Variants in KLHL32 observed in about 807,000 individuals in gnomAD.
KLHL32 encodes kelch like family member 32, also known as kelch-like protein 32.
A neutral mutation model predicts 64.8 loss-of-function variants in KLHL32; 35 were observed. That is an observed-to-expected ratio of 0.54 (90% CI 0.41 to 0.72). The LOEUF (loss-of-function observed/expected upper bound fraction) is 0.72. Ranked by LOEUF, KLHL32 falls within the 30% of genes least tolerant of loss-of-function variation. The probability of loss-of-function intolerance (pLI) is 0.00; values close to 1 mark genes in which losing one functional copy is unlikely to be tolerated. For missense variants in KLHL32, 589 were observed against 768.5 expected (o/e 0.77, Z 2.76); for synonymous variants, 259 against 281.0 (o/e 0.92, Z 0.78).
chr6:96,952,771 TC>T (rs1275018810), intron 1 of KLHL32, among the ~76,000 whole-genome samples: 1 of 152,188 alleles, frequency 6.6e-6, no homozygotes, highest in African/African-American at 2.4e-5. Context: ...CCCCAGTTGT[TC>T]CCATAGATAA....
chr6:96,970,002 A>G lies in KLHL32; in HGVS notation c.23+2919A>G, dbSNP rs369533085. On this transcript the variant is annotated intron_variant, in intron 2 of 10. Coordinates refer to ENST00000369261, the MANE Select transcript of KLHL32 (RefSeq NM_052904.4). ...GGAAATATCAAGTTGTATAAGCCAG[A>G]AATATAGGTGTCTTCTGGAAATCTT... is the stretch of plus-strand genomic sequence containing the variant. Among the ~76,000 whole-genome samples, 11 of 152,332 alleles carry G rather than the reference A, an allele frequency of 7.2e-5. No individual in the cohort carries two copies. In the East Asian group the frequency reaches 1.9e-3, roughly 27 times the overall value.
rs540093595 is a variant in KLHL32 at position 96,988,644 on chromosome 6, T to C, written c.204+12467T>C. ...ATTATAAATCATGCTGCTATAAAGA[T>C]ACATGCACACGTATGTTTATTGCAG... On this transcript the variant is annotated intron_variant, in intron 3 of 10. Coordinates refer to ENST00000369261, the MANE Select transcript of KLHL32 (RefSeq NM_052904.4). 1.1e-3 allele frequency among the ~76,000 whole-genome samples: 168 copies of C among 152,174 alleles called. 2 individuals are homozygous for C. The highest frequency in any genetic ancestry group is 3.7e-3 in the African/African-American group (155 of 41,440).
rs183792203 is a variant in KLHL32 at position 96,993,492 on chromosome 6, C to G, written c.204+17315C>G. Among the ~76,000 whole-genome samples the G allele has an allele frequency of 1.7e-4, 26 of 152,286 alleles. No homozygotes were observed. The East Asian group carries it at 4.6e-3, about 27-fold the overall frequency. ...CAAGCTTCTGTTTGGGTCTTGTTTG[C>G]TAATGTCCCCCCTGCTGGCCGAGCA... On this transcript the variant is annotated intron_variant, in intron 3 of 10. Transcript: ENST00000369261.
intron 1 of KLHL32, among the ~76,000 whole-genome samples, chr6:96,936,422 C>T (rs1002434884): frequency 6.6e-6 from 1 of 152,080 alleles, no homozygotes; most frequent in African/African-American, 2.4e-5. Flanking sequence ...TTTTTTCCTT[C>T]AAGCCTACCT....
intron 3 of KLHL32, among the ~76,000 whole-genome samples, chr6:96,982,035 G>C (rs943327847): frequency 6.6e-6 from 1 of 151,970 alleles, no homozygotes; most frequent in African/African-American, 2.4e-5. Context: ...TGTTGTTTTT[G>C]GATGAGGAGT....
intron 2 of KLHL32, among the ~76,000 whole-genome samples, chr6:96,971,524 C>T (rs1486480282): frequency 1.3e-5 from 2 of 152,134 alleles, no homozygotes; most frequent in African/African-American, 4.8e-5. Context: ...CCTGAGACCT[C>T]GTTTATTTAT....
intron 4 of KLHL32, 110 bp from the exon 5 acceptor site, chr6:97,064,518 T>C (rs1789402652): frequency 1.4e-6 from 1 of 710,902 alleles, no homozygotes; most frequent in Non-Finnish European, 2.4e-6. Flanking sequence ...TTAATTGAAA[T>C]AGAGTACGTA....
At chr6:97,026,170 G>A (rs1782699865) in intron 3 of KLHL32, among the ~76,000 whole-genome samples, 2 of 151,990 alleles carry the variant, frequency 1.3e-5, no homozygotes, top group African/African-American at 4.8e-5. Flanking sequence ...AAAGCTTGTG[G>A]ATGATTCCTA....
chr6:97,130,955 T>A lies in KLHL32; in HGVS notation c.1606+6T>A. On this transcript the variant is annotated splice_donor_region_variant and intron_variant, in intron 9 of 10. Coordinates refer to ENST00000369261, the MANE Select transcript of KLHL32 (RefSeq NM_052904.4). ...TAATTTCAACCTGCTGACTGGCAAG[T>A]ACCTTTGATTAAGTAAATCAGGAAA... The A allele has an allele frequency of 6.2e-7, 1 of 1,605,624 alleles. No individual in the cohort carries two copies.
At chr6:97,007,395 G>T (rs1238485595) in intron 3 of KLHL32, among the ~76,000 whole-genome samples, 1 of 151,930 alleles carries the variant, frequency 6.6e-6, no homozygotes, top group Non-Finnish European at 1.5e-5. Flanking sequence ...TCATTTTATT[G>T]TACTTCTTAT....
At chr6:97,015,808 G>A (rs1027662365) in intron 3 of KLHL32, among the ~76,000 whole-genome samples, 3 of 152,186 alleles carry the variant, frequency 2.0e-5, no homozygotes, top group Admixed American at 6.5e-5. Flanking sequence ...AGGCATGGAG[G>A]CCTAGGAGGA....
At chr6:97,047,082 C>T (rs1737654) in intron 4 of KLHL32, among the ~76,000 whole-genome samples, 38,689 of 152,058 alleles carry the variant, frequency 0.25, 6,303 homozygotes, top group African/African-American at 0.45. Flanking sequence ...AAGATGTGTG[C>T]GTGTTCCTCC....
At chr6:97,015,023 G>T (rs991526833) in intron 3 of KLHL32, among the ~76,000 whole-genome samples, 11 of 152,120 alleles carry the variant, frequency 7.2e-5, no homozygotes, top group African/African-American at 2.7e-4. Flanking sequence ...AGATCTGATG[G>T]TTTTATATGG....
chr6:96,900,566 C>A, the KLHL32 span, among the ~76,000 whole-genome samples: 1 of 152,240 alleles, frequency 6.6e-6, no homozygotes, highest in African/African-American at 2.4e-5. Context: ...AAAATGCCAC[C>A]TGCCTGTGCC....
chr6:96,911,859 G>T, the KLHL32 span, among the ~76,000 whole-genome samples: 2 of 29,312 alleles, frequency 6.8e-5, no homozygotes, highest in African/African-American at 1.1e-4. Flanking sequence ...TTTGGCAGCT[G>T]CCACTCCTCC....
At chr6:97,051,535 G>A (rs1009983068) in intron 4 of KLHL32, among the ~76,000 whole-genome samples, 2 of 152,284 alleles carry the variant, frequency 1.3e-5, no homozygotes, top group African/African-American at 2.4e-5. Context: ...TGTTTCAACA[G>A]AAAGTTCCAT....
chr6:97,055,800 A>AC (rs1787734879), intron 4 of KLHL32, among the ~76,000 whole-genome samples: 1 of 113,408 alleles, frequency 8.8e-6, no homozygotes, highest in Non-Finnish European at 1.6e-5. Context: ...CCTGTCTAAA[A>AC]AAAAAAAAAA....
At chr6:97,100,799 C>CT (rs763909891) in intron 6 of KLHL32, among the ~76,000 whole-genome samples, 18,302 of 96,354 alleles carry the variant, frequency 0.19, 2,274 homozygotes, top group East Asian at 0.39. Flanking sequence ...GCTCATTATT[C>CT]TTTTTTTTTT....
At chr6:97,104,643 C>T (rs1796157684) in intron 6 of KLHL32, among the ~76,000 whole-genome samples, 1 of 152,122 alleles carries the variant, frequency 6.6e-6, no homozygotes, top group Non-Finnish European at 1.5e-5. Flanking sequence ...ATGTGTCTTA[C>T]ATAAGTCTGT....
Sources: gnomAD v4.1 joint callset for allele counts (sites outside exome capture counted in the v4.1 genomes callset) on GRCh38, gnomAD v4.1.1 for gene constraint, MANE v1.5 for transcripts, NCBI Gene and HGNC (gene_info 2026-07-23, HGNC 2026-07-21) for gene names.